Variants in KIAA1217 observed in about 807,000 individuals in gnomAD.
KIAA1217 encodes KIAA1217.
A neutral mutation model predicts 163.9 loss-of-function variants in KIAA1217; 88 were observed. That is an observed-to-expected ratio of 0.54 (90% CI 0.45 to 0.64). The LOEUF (loss-of-function observed/expected upper bound fraction) is 0.64. Ranked by LOEUF, KIAA1217 falls within the 30% of genes least tolerant of loss-of-function variation. The pLI is 0.00. For missense variants in KIAA1217, 2,372 were observed against 2,475.0 expected (o/e 0.96, Z 0.88); for synonymous variants, 903 against 923.1 (o/e 0.98, Z 0.39).
chr10:24,219,374 A>C (rs1157680899), intron 1 of KIAA1217, among the ~76,000 whole-genome samples: 1 of 152,198 alleles, frequency 6.6e-6, no homozygotes, highest in Admixed American at 6.5e-5. Flanking sequence ...AGCCTCCCAA[A>C]GTGCTGGGGT....
At chr10:24,021,111 C>T (rs946111381) in intron 2 of KIAA1217, among the ~76,000 whole-genome samples, 1 of 151,788 alleles carries the variant, frequency 6.6e-6, no homozygotes, top group African/African-American at 2.4e-5. Context: ...ATTAAAGGAA[C>T]ATATGACTAG....
intron 1 of KIAA1217, among the ~76,000 whole-genome samples, chr10:23,724,508 A>G (rs1838031168): frequency 1.3e-5 from 2 of 152,204 alleles, no homozygotes; most frequent in African/African-American, 2.4e-5. Flanking sequence ...TTCAAAAGAT[A>G]TTATCCAAGG....
At chr10:24,340,069 A>T (rs944307548) in intron 2 of KIAA1217, among the ~76,000 whole-genome samples, 1 of 152,222 alleles carries the variant, frequency 6.6e-6, no homozygotes, top group Non-Finnish European at 1.5e-5. Context: ...TAACCATCCA[A>T]CTGGGACCTG....
At chr10:24,211,828 A>G (rs909539767) in intron 1 of KIAA1217, among the ~76,000 whole-genome samples, 1 of 151,830 alleles carries the variant, frequency 6.6e-6, no homozygotes, top group Non-Finnish European at 1.5e-5. Context: ...CTAGGTGTAT[A>G]TTGAAGGTAA....
intron 2 of KIAA1217, chr10:24,157,694 G>A (rs753337410): frequency 2.9e-5 from 6 of 209,168 alleles, no homozygotes; most frequent in Non-Finnish European, 5.6e-5. Context: ...GTTTAGTAAG[G>A]GAATGCAAAT....
At chr10:24,069,086 C>T (rs1255117208) in intron 2 of KIAA1217, among the ~76,000 whole-genome samples, 1 of 152,210 alleles carries the variant, frequency 6.6e-6, no homozygotes, top group African/African-American at 2.4e-5. Flanking sequence ...TTTTTACCCA[C>T]CTGCTCTGCA....
intron 3 of KIAA1217, among the ~76,000 whole-genome samples, chr10:24,419,663 A>G (rs2058573254): frequency 6.6e-6 from 1 of 152,182 alleles, no homozygotes; most frequent in Non-Finnish European, 1.5e-5. Context: ...ACATGTTTCC[A>G]TAATTGCTTG....
At chr10:24,388,504 G>A (rs548585270) in intron 3 of KIAA1217, among the ~76,000 whole-genome samples, 2 of 152,268 alleles carry the variant, frequency 1.3e-5, no homozygotes, top group East Asian at 3.9e-4. Flanking sequence ...CATGGGCAAA[G>A]ACTTCATGAC....
intron 6 of KIAA1217, among the ~76,000 whole-genome samples, chr10:24,477,496 G>A (rs190044466): frequency 1.3e-5 from 2 of 152,250 alleles, no homozygotes; most frequent in African/African-American, 4.8e-5. Flanking sequence ...AGAACTATAA[G>A]CCCCACCTCC....
chr10:24,235,675 T>A (rs1027601717), intron 2 of KIAA1217, among the ~76,000 whole-genome samples: 2 of 152,202 alleles, frequency 1.3e-5, no homozygotes, highest in African/African-American at 4.8e-5. Context: ...TGTGCAGTCC[T>A]TCTAGGACTA....
At chr10:24,219,951 T>C (rs377308258) in intron 2 of KIAA1217, 42 bp downstream of exon 2, 5 of 1,528,686 alleles carry the variant, frequency 3.3e-6, no homozygotes, top group Non-Finnish European at 4.4e-6. Context: ...GCTCGCTCTC[T>C]AATGAACATC....
Position 24,235,242 on chromosome 10 carries a change from G to C in KIAA1217, c.354+15333G>C, listed in dbSNP as rs118153938. On this transcript the variant is annotated intron_variant, in intron 2 of 20. Transcript: ENST00000376454. ...GCAACATCTACACTGGTGTTTGACC[G>C]AACAACTGGGCACCATAACCTGGCC... Among the ~76,000 whole-genome samples, 964 of 152,194 alleles carry C rather than the reference G, an allele frequency of 6.3e-3. 13 individuals carry two copies. The highest frequency in any genetic ancestry group is 0.053 in the East Asian group (274 of 5,174).
intron 2 of KIAA1217, among the ~76,000 whole-genome samples, chr10:24,337,064 C>T (rs1268863530): frequency 6.6e-6 from 1 of 152,112 alleles, no homozygotes; most frequent in Non-Finnish European, 1.5e-5. Context: ...ATAAATTGGA[C>T]CTCATCAAAA....
chr10:23,877,781 G>A (rs897698486), intron 1 of KIAA1217, among the ~76,000 whole-genome samples: 1 of 151,932 alleles, frequency 6.6e-6, no homozygotes, highest in South Asian at 2.1e-4. Context: ...TCTCTTCTTA[G>A]TTGGCTAGCA....
chr10:23,770,679 A>G lies in KIAA1217; in HGVS notation c.-321+75445A>G, dbSNP rs554785537. Among the ~76,000 whole-genome samples the G allele has an allele frequency of 4.6e-5, 7 of 152,272 alleles. No individual in the cohort carries two copies. In the East Asian group the frequency reaches 7.7e-4, roughly 17 times the overall value. On this transcript the variant is annotated intron_variant, in intron 1 of 18. Coordinates refer to the KIAA1217 transcript ENST00000376462. ...TTTCCTCTTATTCACCACTGAGTCA[A>G]TGTAGGTTTTCTAGCATCTCTATGA...
intron 1 of KIAA1217, among the ~76,000 whole-genome samples, chr10:23,912,396 C>T (rs887317250): frequency 2.6e-5 from 3 of 115,806 alleles, no homozygotes; most frequent in Non-Finnish European, 1.6e-5. Flanking sequence ...TATATAATTG[C>T]GTAGTGGTAA....
chr10:24,176,249 C>G (rs1227999245), intron 2 of KIAA1217, among the ~76,000 whole-genome samples: 2 of 151,916 alleles, frequency 1.3e-5, no homozygotes, highest in South Asian at 2.1e-4. Flanking sequence ...ACTAGATTAG[C>G]TAGACACAAA....
intron 1 of KIAA1217, among the ~76,000 whole-genome samples, chr10:23,785,536 C>A (rs1335829): frequency 0.22 from 33,046 of 152,048 alleles, 3,777 homozygotes; most frequent in Middle Eastern, 0.28. Context: ...TCAATTAAAA[C>A]CTTGTAAATA....
chr10:24,211,619 T>G (rs1177794051), intron 1 of KIAA1217, among the ~76,000 whole-genome samples: 1 of 151,082 alleles, frequency 6.6e-6, no homozygotes, highest in African/African-American at 2.4e-5. Context: ...AGAAGGGGTC[T>G]TGCTATGTTG....
Sources: allele counts gnomAD v4.1 joint callset (sites outside exome capture counted in the v4.1 genomes callset), GRCh38; gene constraint gnomAD v4.1.1; transcripts MANE v1.5; gene names NCBI Gene and HGNC (gene_info 2026-07-23, HGNC 2026-07-21).